SEMA4A: variants seen among roughly 807,000 people sequenced by gnomAD.
The protein encoded by SEMA4A is semaphorin 4A.
Under a neutral mutation model 72.5 loss-of-function variants are expected in SEMA4A, and 52 were observed. The observed-to-expected ratio is 0.72, with a 90% CI of 0.57 to 0.90. The LOEUF is 0.90. SEMA4A is among the 40% of genes least tolerant of loss of function. SEMA4A has a pLI of 0.00. For synonymous variants in SEMA4A, 369 were observed against 393.1 expected, an observed-to-expected ratio of 0.94 and a Z score of 0.73; for missense variants, 926 against 959.7, an observed-to-expected ratio of 0.96 and a Z score of 0.46.
At chr1:156,149,233 CCAT>C (rs1171132738), upstream of SEMA4A, among the ~76,000 whole-genome samples, 57 of 152,314 alleles carry the variant, frequency 3.7e-4, no homozygotes, top group African/African-American at 1.3e-3. Context: ...CAAAAAGGCT[CCAT>C]ACAAACCGCT....
upstream of SEMA4A, among the ~76,000 whole-genome samples, chr1:156,152,942 G>A (rs899740559): frequency 2.6e-5 from 4 of 152,074 alleles, no homozygotes; most frequent in Non-Finnish European, 2.9e-5. Flanking sequence ...TTAACCCCGC[G>A]TTATGAGGCT....
intron 10 of SEMA4A, among the ~76,000 whole-genome samples, chr1:156,169,662 C>T (rs549410903): frequency 8.0e-5 from 12 of 150,706 alleles, no homozygotes; most frequent in South Asian, 4.2e-4. Flanking sequence ...CCTCGTGATC[C>T]GCCCGTCTCA....
intron 11 of SEMA4A, among the ~76,000 whole-genome samples, chr1:156,173,415 G>C (rs1470914679): frequency 6.6e-6 from 1 of 152,108 alleles, no homozygotes; most frequent in Non-Finnish European, 1.5e-5. Flanking sequence ...GGCGCAGCTG[G>C]GGTTCTTGGT....
chr1:156,165,695 G>A (rs1319515619), intron 10 of SEMA4A, among the ~76,000 whole-genome samples: 1 of 151,436 alleles, frequency 6.6e-6, no homozygotes, highest in East Asian at 1.9e-4. Flanking sequence ...TTGTGGAGCA[G>A]GGCTACCTTA....
chr1:156,152,566 G>C (rs780990219), upstream of SEMA4A, among the ~76,000 whole-genome samples: 6 of 152,178 alleles, frequency 3.9e-5, no homozygotes, highest in Non-Finnish European at 7.3e-5. Flanking sequence ...GGGAGAGTCT[G>C]GGGGAGTCCT....
Position 156,176,956 on chromosome 1 carries a change from G to T in SEMA4A, c.2245G>T (p.Val749Leu), listed in dbSNP as rs763889759. 2 of 1,613,370 alleles carry T rather than the reference G, an allele frequency of 1.2e-6. No individual in the cohort carries two copies. The highest frequency in any genetic ancestry group is 2.2e-5 in the South Asian group (2 of 91,090). Reference sequence around the variant, plus strand: ...GGAATGCAGGACCTCTGCCAGTGATGTGGACGCTGACAACAACTGCCTAGG... The same window carrying T: ...GGAATGCAGGACCTCTGCCAGTGATTTGGACGCTGACAACAACTGCCTAGG... ...PKECRTSASD[V>L]DADNNCLGTE... Residue 749 changes from valine (V) to leucine (L), a missense_variant, in exon 15 of 15, where the codon GTG becomes TTG. Physicochemically the swap from Val to Leu is conservative, Grantham distance 32. Coordinates refer to ENST00000368285, the MANE Select transcript of SEMA4A (RefSeq NM_022367.4).
chr1:156,175,224 C>A lies in SEMA4A; in HGVS notation c.1573C>A (p.Leu525Ile). 1 of 1,613,116 alleles carries A rather than the reference C, an allele frequency of 6.2e-7. No individual in the cohort carries two copies. The highest frequency in any genetic ancestry group is 8.5e-7 in the Non-Finnish European group (1 of 1,179,430). Residue 525 changes from leucine (L) to isoleucine (I), a missense_variant, in exon 13 of 15, where the codon CTC becomes ATC. Leu to Ile is a conservative substitution (Grantham distance 5). Transcript: ENST00000368285. ...AWDPESRTCC[L>I]LSAPNLNSWK... Reference sequence around the variant, plus strand: ...GGACCCTGAGTCCCGAACCTGTTGCCTCCTGTCTGCCCCCAACCTGTGAGT... The same window carrying A: ...GGACCCTGAGTCCCGAACCTGTTGCATCCTGTCTGCCCCCAACCTGTGAGT...
upstream of SEMA4A, among the ~76,000 whole-genome samples, chr1:156,149,100 C>A (rs1281027083): frequency 6.6e-6 from 1 of 152,176 alleles, no homozygotes; most frequent in East Asian, 1.9e-4. Flanking sequence ...CCGCACCCAG[C>A]CGGAAGGGGC....
chr1:156,156,722 A>T lies in SEMA4A; in HGVS notation c.300+148A>T, dbSNP rs536579524. ...TATATGTATATCGTGACAATATAAC[A>T]GACAGGAAATGTCGTGGCCTCACTT... On this transcript the variant is annotated intron_variant, in intron 3 of 14. Transcript: ENST00000368285. The T allele has an allele frequency of 2.6e-5, 20 of 764,836 alleles. No homozygotes were observed. In the East Asian group the frequency reaches 5.3e-4, roughly 20 times the overall value. The allele number at this position is 764,836 out of a possible 1,614,324, so 47.4% of individuals were successfully genotyped here. A position where few individuals can be genotyped will look rare whatever the true frequency, so the allele number is the denominator to read the frequency against.
intron 10 of SEMA4A, among the ~76,000 whole-genome samples, chr1:156,164,422 T>G (rs1411384755): frequency 6.6e-6 from 1 of 152,228 alleles, no homozygotes; most frequent in Non-Finnish European, 1.5e-5. Flanking sequence ...AGAGCTGACT[T>G]GCAGCAGCCA....
chr1:156,175,637 T>C lies in SEMA4A; in HGVS notation c.1674T>C (p.Pro558=). 6.2e-7 allele frequency: 1 copy of C among 1,609,526 alleles called. No homozygotes were observed. Among genetic ancestry groups the C allele is most frequent in the South Asian group, 1.1e-5 (1 of 89,998 alleles). ...ASGPMSRSLR[P]QSRPQIIKEV... is the part of the protein sequence containing the mutation. ...GCCCCATGAGCAGGAGCCTTCGGCC[T>C]CAGAGCCGCCCGCAAATCAGTGAGT... is the stretch of plus-strand genomic sequence containing the variant. The change falls in exon 14 of 15, where the codon CCT becomes CCC. Residue 558 remains proline (P), a synonymous_variant. Transcript: ENST00000368285.
rs1473138505 is a variant in SEMA4A, at chr1:156,157,798, A to G, written c.301-272A>G. ...TGCCAGTAGCCTATGAAATTGACCA[A>G]GATCTCTCAGTCAGGAAATAGCCAA... On this transcript the variant is annotated intron_variant, in intron 3 of 14. Coordinates refer to ENST00000368285, the MANE Select transcript of SEMA4A (RefSeq NM_022367.4). This position sits in a 1 kb window ranked among gnomAD's most constrained non-coding sequence, Gnocchi z 4.5. 6.6e-6 allele frequency among the ~76,000 whole-genome samples: 1 copy of G among 152,210 alleles called. No individual in the cohort carries two copies. The highest frequency in any genetic ancestry group is 2.4e-5 in the African/African-American group (1 of 41,452).
At chr1:156,156,129 C>G (rs940939368) in intron 2 of SEMA4A, 1 of 428,366 alleles carries the variant, frequency 2.3e-6, no homozygotes, top group Non-Finnish European at 4.4e-6. Flanking sequence ...GACGGTAGCC[C>G]TCCCTGTCCC....
chr1:156,165,408 T>C (rs1306691830), intron 10 of SEMA4A, among the ~76,000 whole-genome samples: 2 of 152,166 alleles, frequency 1.3e-5, no homozygotes, highest in Non-Finnish European at 2.9e-5. Context: ...TTATCCTTTG[T>C]AGATTCCTGG....
At chr1:156,159,333 CA>C (rs1653362126) in intron 6 of SEMA4A, among the ~76,000 whole-genome samples, 1 of 151,854 alleles carries the variant, frequency 6.6e-6, no homozygotes, top group African/African-American at 2.4e-5. Flanking sequence ...GACTCTGTCT[CA>C]AAACAAAACA....
chr1:156,175,091 A>G lies in SEMA4A; in HGVS notation c.1440A>G (p.Ala480=), dbSNP rs774972496. 1 of 1,614,078 alleles carries G rather than the reference A, an allele frequency of 6.2e-7. No individual in the cohort carries two copies. The highest frequency in any genetic ancestry group is 1.7e-5 in the Admixed American group (1 of 60,008). ...RNLQLAPTQG[A]VFVGFSGGVW... ...AATCTCCATCTCTCTTCCAGGGTGC[A>G]GTGTTTGTAGGCTTCTCAGGAGGTG... The change falls in exon 13 of 15, where the codon GCA becomes GCG. Residue 480 remains alanine, a synonymous_variant. Transcript: ENST00000368285.
intron 5 of SEMA4A, 57 bp from the exon 6 acceptor site, chr1:156,158,662 C>G: frequency 6.9e-7 from 1 of 1,455,444 alleles, no homozygotes; most frequent in South Asian, 1.1e-5. Context: ...TCAAGCCCCT[C>G]ATTTCCCAGA....
chr1:156,158,019 A>T, intron 3 of SEMA4A, 51 bp from the exon 4 acceptor site: 1 of 1,592,174 alleles, frequency 6.3e-7, no homozygotes, highest in Non-Finnish European at 8.6e-7. Context: ...CACAGCTAGA[A>T]CTGAGGACCT....
chr1:156,174,678 A>G, intron 11 of SEMA4A, 144 bp from the exon 12 acceptor site: 1 of 878,228 alleles, frequency 1.1e-6, no homozygotes, highest in Non-Finnish European at 1.8e-6. Flanking sequence ...CATGGCACAG[A>G]GGAAGGTGAA....
Sources: gnomAD v4.1 joint callset for allele counts (sites outside exome capture counted in the v4.1 genomes callset) on GRCh38, gnomAD v4.1.1 for gene constraint, Gnocchi (gnomAD v3.1) non-coding constraint, MANE v1.5 for transcripts, NCBI Gene and HGNC (gene_info 2026-07-23, HGNC 2026-07-21) for gene names.